Variants in FBXO38 observed in about 807,000 individuals in gnomAD.
FBXO38 encodes F-box protein 38.
Under a neutral mutation model 131.9 loss-of-function variants are expected in FBXO38, and 53 were observed. The ratio of observed to expected loss-of-function variants is 0.40; its 90% CI spans 0.32 to 0.51. FBXO38 has a LOEUF of 0.51. Among genes scored for constraint, FBXO38 ranks in the 20% least tolerant of loss-of-function variants. The pLI is 0.53. For missense variants in FBXO38, 1,076 were observed against 1,475.6 expected (o/e 0.73, Z 4.44); for synonymous variants, 452 against 505.6 (o/e 0.89, Z 1.42).
intron 12 of FBXO38, among the ~76,000 whole-genome samples, chr5:148,419,051 G>A (rs1753242812): frequency 6.6e-6 from 1 of 152,084 alleles, no homozygotes; most frequent in Non-Finnish European, 1.5e-5. Flanking sequence ...TACTATGGAA[G>A]GATTCAGCTT....
At chr5:148,408,985 AT>A (rs1383210649) in intron 7 of FBXO38, 138 bp from the exon 8 acceptor site, 2 of 552,704 alleles carry the variant, frequency 3.6e-6, no homozygotes, top group African/African-American at 1.9e-5. Context: ...TAAGATATTA[AT>A]TTCAATGCAA....
At chr5:148,410,999 A>T in intron 9 of FBXO38, 1 of 416,038 alleles carries the variant, frequency 2.4e-6, no homozygotes, top group East Asian at 4.4e-5. Context: ...ATACACCAGA[A>T]AAAGAACCTT....
chr5:148,423,037 G>A (rs570555304), intron 12 of FBXO38, among the ~76,000 whole-genome samples: 1 of 152,182 alleles, frequency 6.6e-6, no homozygotes, highest in African/African-American at 2.4e-5. Flanking sequence ...CTTGTATGGT[G>A]GTATATGAAA....
chr5:148,429,181 A>G (rs1323867322), intron 15 of FBXO38, among the ~76,000 whole-genome samples: 2 of 152,088 alleles, frequency 1.3e-5, no homozygotes, highest in African/African-American at 4.8e-5. Context: ...TCAGATATGC[A>G]TGTTTTCCTT....
chr5:148,413,986 C>G, intron 9 of FBXO38, 150 bp from the exon 10 acceptor site: 1 of 586,558 alleles, frequency 1.7e-6, no homozygotes, highest in Middle Eastern at 4.7e-4. Flanking sequence ...GAATACCTAA[C>G]CTAAAATTAT....
chr5:148,389,622 G>A (rs575914173), intron 1 of FBXO38: 2 of 152,238 alleles, frequency 1.3e-5, no homozygotes, highest in African/African-American at 2.4e-5. Flanking sequence ...GTGGTATTTT[G>A]GAGGTAGGAG....
rs189691834 is a variant in FBXO38 at position 148,438,707 on chromosome 5, A to G, written c.3024+209A>G. 2.0e-5 allele frequency among the ~76,000 whole-genome samples: 3 copies of G among 152,298 alleles called. No homozygotes were observed. In the East Asian group the frequency reaches 5.8e-4, roughly 29 times the overall value. On this transcript the variant is annotated intron_variant, in intron 18 of 21. Transcript: ENST00000340253. ...TATTAAAAGTTACCTGTGGTTTAAG[A>G]GCACAGTCTCTGGTTCAGACTGCCT...
chr5:148,431,063 A>G (rs1482899551), intron 15 of FBXO38, among the ~76,000 whole-genome samples: 2 of 152,200 alleles, frequency 1.3e-5, no homozygotes, highest in Non-Finnish European at 2.9e-5. Flanking sequence ...CTTCCTTTCC[A>G]GTAGACTGTG....
chr5:148,399,149 T>C lies in FBXO38; in HGVS notation c.262+17T>C. 6.2e-7 allele frequency: 1 copy of C among 1,612,566 alleles called. No homozygotes were observed. The highest frequency in any genetic ancestry group is 8.5e-7 in the Non-Finnish European group (1 of 1,179,164). ...TGCCAAGTGGTAAGTGGATTTAGTC[T>C]GTGAAGTACAGTAGTGTCCTACTGG... On this transcript the variant is annotated intron_variant, in intron 3 of 21. Transcript: ENST00000340253.
At position 148,410,677 on chromosome 5, in the gene FBXO38, T is replaced by A; in HGVS notation, c.1005T>A (p.Gly335=). The A allele has an allele frequency of 1.9e-6, 3 of 1,614,086 alleles. No individual in the cohort carries two copies. Among genetic ancestry groups the A allele is most frequent in the South Asian group, 1.1e-5 (1 of 91,084 alleles). Reference sequence around the variant, plus strand: ...TCCAGCCTTCCCTAACCAAAGATGGTGTCTTTTCTGCCCTAAAGATGGCAG... The same window carrying A: ...TCCAGCCTTCCCTAACCAAAGATGGAGTCTTTTCTGCCCTAAAGATGGCAG... The part of the protein sequence containing the change: ...VRIQPSLTKD[G]VFSALKMAEL... The change falls in exon 9 of 22, where the codon GGT becomes GGA. Residue 335 remains glycine (G), a synonymous_variant. Transcript: ENST00000340253.
intron 1 of FBXO38, among the ~76,000 whole-genome samples, chr5:148,393,188 G>GGGGGGTGTGT (rs1420907423): frequency 4.7e-5 from 6 of 127,036 alleles, no homozygotes; most frequent in African/African-American, 1.8e-4. Context: ...ACAGAAGAGG[G>GGGGGGTGTGT]GTGTGTGTGT....
At chr5:148,439,608 C>A (rs1235746919) in intron 18 of FBXO38, 39 bp from the exon 19 acceptor site, 8 of 1,591,136 alleles carry the variant, frequency 5.0e-6, no homozygotes, top group Middle Eastern at 3.3e-4. Flanking sequence ...CTAAGGCATT[C>A]TCTTTGTTGA....
chr5:148,415,431 T>A (rs1421643322), intron 10 of FBXO38: 1 of 153,114 alleles, frequency 6.5e-6, no homozygotes, highest in Non-Finnish European at 1.5e-5. Flanking sequence ...CTGGACAAAT[T>A]ATGCATATTG....
At chr5:148,385,789 A>C (rs1757883459) in intron 1 of FBXO38, among the ~76,000 whole-genome samples, 1 of 152,218 alleles carries the variant, frequency 6.6e-6, no homozygotes, top group Non-Finnish European at 1.5e-5. Flanking sequence ...GATTACTTTG[A>C]TATGAGCAAG....
At chr5:148,425,492 G>GT (rs774212840) in intron 13 of FBXO38, 30 bp from the exon 14 acceptor site, 2 of 1,576,326 alleles carry the variant, frequency 1.3e-6, no homozygotes, top group Non-Finnish European at 1.7e-6. Context: ...TGCGCAAAAA[G>GT]TAACTGTTAG....
chr5:148,406,805 A>G (rs1055145821), intron 7 of FBXO38, among the ~76,000 whole-genome samples: 6 of 152,184 alleles, frequency 3.9e-5, no homozygotes, highest in Non-Finnish European at 8.8e-5. Flanking sequence ...AATACTTTAT[A>G]ATATAAAAAA....
chr5:148,423,062 A>G (rs1407927837), intron 12 of FBXO38, among the ~76,000 whole-genome samples: 2 of 152,222 alleles, frequency 1.3e-5, no homozygotes, highest in East Asian at 3.8e-4. Flanking sequence ...ACCTTATTTC[A>G]GTGAACCCTT....
At chr5:148,403,200 C>T (rs1395980245) in intron 5 of FBXO38, among the ~76,000 whole-genome samples, 1 of 151,940 alleles carries the variant, frequency 6.6e-6, no homozygotes, top group Admixed American at 6.6e-5. Flanking sequence ...GACTTATTTC[C>T]ATATCTTTAT....
rs137939473 is a variant in FBXO38, at chr5:148,429,627, T to C, written c.2653+1680T>C. Among the ~76,000 whole-genome samples, 430 of 152,342 alleles carry C rather than the reference T, an allele frequency of 2.8e-3. 1 individual carries two copies. Among genetic ancestry groups the C allele is most frequent in the South Asian group, 0.026 (125 of 4,832 alleles). On this transcript the variant is annotated intron_variant, in intron 15 of 21. Transcript: ENST00000340253. ...GTTTTTGTTTGAAATTGCATTCAAT[T>C]GATAACTGAAACATAATTGTCATTT...
Sources: allele counts gnomAD v4.1 joint callset (sites outside exome capture counted in the v4.1 genomes callset), GRCh38; gene constraint gnomAD v4.1.1; transcripts MANE v1.5; gene names NCBI Gene and HGNC (gene_info 2026-07-23, HGNC 2026-07-21).